C3: variants seen among roughly 807,000 people sequenced by gnomAD.
C3 encodes the protein complement C3.
A neutral mutation model predicts 207.9 loss-of-function variants in C3; 97 were observed. That is an observed-to-expected ratio of 0.47 (90% CI 0.40 to 0.55). The LOEUF (loss-of-function observed/expected upper bound fraction) is 0.55. C3 is among the 20% of genes least tolerant of loss of function. The probability of loss-of-function intolerance (pLI) is 0.00; values close to 1 mark genes in which losing one functional copy is unlikely to be tolerated. For missense variants in C3, 1,684 were observed against 2,171.7 expected, an observed-to-expected ratio of 0.78 and a Z score of 4.46; for synonymous variants, 848 against 857.6, an observed-to-expected ratio of 0.99 and a Z score of 0.20.
chr19:6,719,429 G>C lies in C3; in HGVS notation c.75-26C>G. On this transcript the variant is annotated intron_variant, in intron 1 of 40. Coordinates refer to ENST00000245907, the MANE Select transcript of C3 (RefSeq NM_000064.4). This position sits in a 1 kb window ranked among gnomAD's most constrained non-coding sequence, Gnocchi z 5.4. ...CTGTCGGAGTGGGGCACGGGAGTGG[G>C]CTTGTCATTCCACGGATGTGAGACG... 1 of 1,606,072 alleles carries C rather than the reference G, an allele frequency of 6.2e-7. No individual in the cohort carries two copies. Among genetic ancestry groups the C allele is most frequent in the Non-Finnish European group, 8.5e-7 (1 of 1,173,094 alleles).
intron 35 of C3, among the ~76,000 whole-genome samples, chr19:6,681,447 G>A (rs1917858338): frequency 6.6e-6 from 1 of 151,774 alleles, no homozygotes; most frequent in South Asian, 2.1e-4. Context: ...TCAGGTGGCT[G>A]AGGCAGGAGG....
rs1321951928 is a variant in C3, at chr19:6,714,364, G to A, written c.587C>T (p.Pro196Leu). 5 of 1,613,560 alleles carry A rather than the reference G, an allele frequency of 3.1e-6. No individual in the cohort carries two copies. The highest frequency in any genetic ancestry group is 2.2e-5 in the East Asian group (1 of 44,888). ...LGVLPLSWDI[P>L]ELVNMGQWKI... The stretch of plus-strand genomic sequence containing the variant: ...GAACCTGACATACTTGACGAGTTCC[G>A]GAATGTCCCAAGACAAGGGCAAGAC... Residue 196 changes from proline (P) to leucine (L), a missense_variant, in exon 5 of 41, where the codon CCG (proline) becomes CTG (leucine). Around this residue, in one of 3 missense-constraint regions of C3, gnomAD observed 1,280 missense variants for 1,739.1 expected, o/e 0.74. Transcript: ENST00000245907.
In C3 at chr19:6,707,271, C is replaced by T. The variant is rs201872466; in HGVS notation, c.2050G>A (p.Gly684Ser). Residue 684 changes from glycine to serine, a missense_variant and splice_region_variant, in exon 17 of 41, where the codon GGC (glycine) becomes AGC (serine). Physicochemically the swap from Gly to Ser is moderately conservative, Grantham distance 56 (BLOSUM62 0). Around this residue, in one of 3 missense-constraint regions of C3, gnomAD observed 1,280 missense variants for 1,739.1 expected, o/e 0.74. Transcript: ENST00000245907. ...TTGCGCAGCTCCTTGGGGTACTTGC[C>T]GACTGCGGGAGCACGTGTTCCCCCA... ...QLTEKRMDKVGKYPKELRKCC... is the reference protein window; with the variant it reads ...QLTEKRMDKVSKYPKELRKCC... 57 of 1,607,460 alleles carry T rather than the reference C, an allele frequency of 3.5e-5. No homozygotes were observed. In the Admixed American group the frequency reaches 9.3e-4, roughly 26 times the overall value.
At chr19:6,680,387 C>A (rs1219793943) in intron 35 of C3, 124 bp from the exon 36 acceptor site, 9 of 692,562 alleles carry the variant, frequency 1.3e-5, no homozygotes, top group Non-Finnish European at 2.2e-5. Flanking sequence ...GATGAATGAG[C>A]AATTCAGCAA....
rs371248769 is a variant in C3, at chr19:6,689,298, CCTCT to C, written c.3489+1327_3489+1330del. 4.3e-3 allele frequency among the ~76,000 whole-genome samples: 489 copies of C among 112,996 alleles called. 8 individuals carry two copies. Among genetic ancestry groups the C allele is most frequent in the Non-Finnish European group, 6.3e-3 (345 of 54,662 alleles). The allele number at this position is 112,996 out of a possible 152,430, so 74.1% of individuals were successfully genotyped here. A position where few individuals can be genotyped will look rare whatever the true frequency, so the allele number is the denominator to read the frequency against. On this transcript the variant is annotated intron_variant, in intron 27 of 40. Transcript: ENST00000245907. ...GTCAGATTTGTCTGACCCCACCTCT[CCTCT>C]CTCTCTCTCTCTCTCTCTCTACCTA...
intron 27 of C3, among the ~76,000 whole-genome samples, chr19:6,690,323 A>G (rs1321340942): frequency 1.3e-5 from 2 of 152,366 alleles, no homozygotes; most frequent in Middle Eastern, 3.4e-3. Context: ...GCAGACAGAA[A>G]GAATCCCCAC....
intron 4 of C3, chr19:6,717,862 G>A (rs1968073630): frequency 1.6e-6 from 1 of 625,940 alleles, no homozygotes; most frequent in Non-Finnish European, 2.9e-6. Flanking sequence ...TGCATTGTGT[G>A]TGCACATGTG....
chr19:6,697,277 G>A, intron 21 of C3, 67 bp downstream of exon 21: 1 of 1,209,250 alleles, frequency 8.3e-7, no homozygotes, highest in African/African-American at 1.5e-5. Context: ...TCCAACCTGA[G>A]TCAATAGTAC....
intron 17 of C3, among the ~76,000 whole-genome samples, chr19:6,704,548 T>C (rs1168277728): frequency 6.6e-6 from 1 of 151,872 alleles, no homozygotes; most frequent in Non-Finnish European, 1.5e-5. Context: ...CCCCGAAGGT[T>C]GGGAGTTCGA....
intron 19 of C3, among the ~76,000 whole-genome samples, chr19:6,699,817 G>A (rs1391545882): frequency 6.6e-6 from 1 of 151,824 alleles, no homozygotes; most frequent in Admixed American, 6.6e-5. Context: ...CACATTATTA[G>A]TGGGTTGTGG....
Position 6,684,395 on chromosome 19 carries a change from A to C in C3, c.4165T>G (p.Cys1389Gly). Residue 1389 changes from cysteine (C) to glycine (G), a missense_variant, in exon 33 of 41, where the codon TGT becomes GGT. Transcript: ENST00000245907. ...DAKNTMILEICTRYRGDQDAT... is the reference protein window; with the variant it reads ...DAKNTMILEIGTRYRGDQDAT... ...GGTGACCTAGCTTCTTACCTGGTAC[A>C]GATCTCAAGGATCATAGTGTTCTTG... The C allele has an allele frequency of 6.2e-7, 1 of 1,613,896 alleles. No individual in the cohort carries two copies. The highest frequency in any genetic ancestry group is 8.5e-7 in the Non-Finnish European group (1 of 1,179,716).
chr19:6,720,460 T>C (rs747200519), intron 1 of C3, 56 bp downstream of exon 1: 176 of 1,294,958 alleles, frequency 1.4e-4, no homozygotes, highest in Non-Finnish European at 1.8e-4. Flanking sequence ...GACCCCCAAA[T>C]GTCTGCTTCC....
rs764476466 is a variant in C3 at position 6,711,069 on chromosome 19, C to G, written c.1397G>C (p.Arg466Thr). The change falls in exon 12 of 41, where the codon AGA (arginine) becomes ACA (threonine). Residue 466 changes from arginine to threonine, a missense_variant. Arg to Thr is a moderately conservative substitution (Grantham distance 71). Transcript: ENST00000245907. ...LHLSVLRTEL[R>T]PGETLNVNFL... ...GTTGACGTTGAGGGTCTCCCCGGGT[C>G]TGAGCTCTGTACGTAGCACTGAGAG... 1.9e-6 allele frequency: 3 copies of G among 1,614,168 alleles called. No homozygotes were observed. The South Asian group carries it at 3.3e-5, about 18-fold the overall frequency.
intron 33 of C3, 142 bp downstream of exon 33, chr19:6,684,246 T>C: frequency 1.3e-6 from 1 of 791,704 alleles, no homozygotes; most frequent in Non-Finnish European, 2.3e-6. Context: ...GTCTGTGTTG[T>C]CTACCTCATG....
At position 6,719,314 on chromosome 19, in the gene C3, A is replaced by C; in HGVS notation, c.164T>G (p.Val55Gly). 6.2e-7 allele frequency: 1 copy of C among 1,614,026 alleles called. No individual in the cohort carries two copies. Among genetic ancestry groups the C allele is most frequent in the Non-Finnish European group, 8.5e-7 (1 of 1,179,962 alleles). The part of the protein sequence containing the change: ...EAHDAQGDVP[V>G]TVTVHDFPGK... ...TGGGAAGTCGTGGACAGTAACAGTG[A>C]CTGGAACATCCCCTTGCGCGTCGTG... is the stretch of plus-strand genomic sequence containing the variant. The change falls in exon 2 of 41, where the codon GTC (valine) becomes GGC (glycine). Residue 55 changes from valine to glycine, a missense_variant. Coordinates refer to ENST00000245907, the MANE Select transcript of C3 (RefSeq NM_000064.4). The surrounding 1 kb of genome is among the most constrained non-coding windows in gnomAD (Gnocchi z 5.4).
At chr19:6,708,285 T>C (rs1209566998) in intron 14 of C3, among the ~76,000 whole-genome samples, 3 of 151,976 alleles carry the variant, frequency 2.0e-5, no homozygotes, top group Non-Finnish European at 2.9e-5. Flanking sequence ...TACAGGTGCA[T>C]GCCACCATGC....
chr19:6,712,282 G>A lies in C3; in HGVS notation c.1244C>T (p.Pro415Leu). 6.2e-7 allele frequency: 1 copy of A among 1,614,032 alleles called. No homozygotes were observed. Among genetic ancestry groups the A allele is most frequent in the Non-Finnish European group, 8.5e-7 (1 of 1,180,012 alleles). Residue 415 changes from proline (P) to leucine (L), a missense_variant, in exon 11 of 41, where the codon CCC becomes CTC. Pro to Leu is a moderately conservative substitution (Grantham distance 98). Transcript: ENST00000245907. ...CGTGATGCTCAAGGGCTTCTGGCTG[G>A]GGTGTGTGTTGATGCTGAGTTTGGC... Reference protein sequence around the residue: ...GVAKLSINTHPSQKPLSITVR... With the variant: ...GVAKLSINTHLSQKPLSITVR...
chr19:6,689,216 A>C (rs1918089364), intron 27 of C3, among the ~76,000 whole-genome samples: 1 of 152,068 alleles, frequency 6.6e-6, no homozygotes, highest in Admixed American at 6.5e-5. Context: ...CCCAATTTAC[A>C]GATGCACATC....
intron 35 of C3, among the ~76,000 whole-genome samples, chr19:6,680,672 A>G (rs756459608): frequency 2.0e-5 from 3 of 152,162 alleles, no homozygotes; most frequent in Non-Finnish European, 2.9e-5. Context: ...TGGACTTTAC[A>G]TGAGTGAGAA....
Sources: allele counts gnomAD v4.1 joint callset (sites outside exome capture counted in the v4.1 genomes callset), GRCh38; gene constraint gnomAD v4.1.1; regional missense constraint gnomAD v4.1.1; non-coding constraint Gnocchi (gnomAD v3.1); transcripts MANE v1.5; gene names NCBI Gene and HGNC (gene_info 2026-07-23, HGNC 2026-07-21).